The following DLGAP1 variants were observed in gnomAD, a reference collection of about 807,000 sequenced individuals.
DLGAP1 encodes the protein DLG associated protein 1, also known as disks large-associated protein 1.
A neutral mutation model predicts 90.8 loss-of-function variants in DLGAP1; 11 were observed. That is an observed-to-expected ratio of 0.12 (90% CI 0.08 to 0.20). The LOEUF is 0.20. Ranked by LOEUF, DLGAP1 falls within the 10% of genes least tolerant of loss-of-function variation. DLGAP1 has a pLI of 1.00. For synonymous variants in DLGAP1, 558 were observed against 540.7 expected (o/e 1.03, Z -0.44); for missense variants, 1,050 against 1,333.8 (o/e 0.79, Z 3.31).
intron 1 of DLGAP1, among the ~76,000 whole-genome samples, chr18:4,332,032 T>C (rs2080964339): frequency 6.6e-6 from 1 of 151,836 alleles, no homozygotes; most frequent in African/African-American, 2.4e-5. Flanking sequence ...AAATATGCAC[T>C]AAAAGAAGTC....
At chr18:4,078,845 T>C (rs9303940) in intron 2 of DLGAP1, among the ~76,000 whole-genome samples, 88,791 of 151,626 alleles carry the variant, frequency 0.59, 26,707 homozygotes, top group Non-Finnish European at 0.66. Flanking sequence ...GGTTTGCCAA[T>C]CTCAGGCTTA....
chr18:4,115,644 C>T (rs1424693872), intron 2 of DLGAP1, among the ~76,000 whole-genome samples: 2 of 152,084 alleles, frequency 1.3e-5, no homozygotes, highest in East Asian at 3.9e-4. Context: ...TGCCACAACG[C>T]CTGGCTAATT....
intron 2 of DLGAP1, among the ~76,000 whole-genome samples, chr18:4,070,541 T>C (rs1446574772): frequency 1.3e-5 from 2 of 152,124 alleles, no homozygotes; most frequent in Non-Finnish European, 2.9e-5. Flanking sequence ...TTTTCCCATA[T>C]ATGATAACTA....
chr18:4,189,494 T>A (rs2077356386), intron 1 of DLGAP1, among the ~76,000 whole-genome samples: 1 of 152,108 alleles, frequency 6.6e-6, no homozygotes, highest in Non-Finnish European at 1.5e-5. Flanking sequence ...CTAAATAAAC[T>A]GAAGACATAT....
chr18:3,997,714 T>G (rs1441558592), intron 3 of DLGAP1, among the ~76,000 whole-genome samples: 1 of 152,010 alleles, frequency 6.6e-6, no homozygotes, highest in East Asian at 1.9e-4. Context: ...AAATTAAAAT[T>G]AATTTTAATA....
At chr18:3,889,257 A>G (rs1200800245) in intron 3 of DLGAP1, among the ~76,000 whole-genome samples, 1 of 152,186 alleles carries the variant, frequency 6.6e-6, no homozygotes, top group African/African-American at 2.4e-5. Flanking sequence ...AATCAAAACA[A>G]TATGACAATA....
Position 4,342,105 on chromosome 18 carries a change from C to A in DLGAP1, c.-267+112901G>T, listed in dbSNP as rs1450039630. On this transcript the variant is annotated intron_variant, in intron 1 of 12. Transcript: ENST00000315677. This position sits in a 1 kb window ranked among gnomAD's most constrained non-coding sequence, Gnocchi z 5.8. ...CACTAAATAAATGTTCCTTCCCTTC[C>A]CAAATCCATAGAATTTTAAAAGACA... Among the ~76,000 whole-genome samples the A allele has an allele frequency of 6.6e-6, 1 of 152,022 alleles. No homozygotes were observed. Among genetic ancestry groups the A allele is most frequent in the African/African-American group, 2.4e-5 (1 of 41,388 alleles).
In DLGAP1 at chr18:3,499,520, C is replaced by G; in HGVS notation, c.2725-126G>C. The G allele has an allele frequency of 1.1e-6, 1 of 887,888 alleles. No homozygotes were observed. Among genetic ancestry groups the G allele is most frequent in the Non-Finnish European group, 1.7e-6 (1 of 597,268 alleles). 55.0% of individuals were successfully genotyped at this position (887,888 alleles called of 1,614,324 possible). A position where few individuals can be genotyped will look rare whatever the true frequency, so the allele number is the denominator to read the frequency against. Reference sequence around the variant, plus strand: ...GGGGTGGTTAGTTCTGATCTGCACACTGCATATCTACTTTTTTCTTCATTA... The same window carrying G: ...GGGGTGGTTAGTTCTGATCTGCACAGTGCATATCTACTTTTTTCTTCATTA... On this transcript the variant is annotated intron_variant, in intron 12 of 12. Coordinates refer to ENST00000315677, the MANE Select transcript of DLGAP1 (RefSeq NM_004746.4). This position sits in a 1 kb window ranked among gnomAD's most constrained non-coding sequence, Gnocchi z 6.4.
At chr18:3,679,010 T>C (rs955998769) in intron 7 of DLGAP1, among the ~76,000 whole-genome samples, 1 of 152,166 alleles carries the variant, frequency 6.6e-6, no homozygotes, top group Non-Finnish European at 1.5e-5. Context: ...TAATTAATTA[T>C]TTTTAGAGAC....
At chr18:4,037,924 C>T (rs1326329716) in intron 2 of DLGAP1, among the ~76,000 whole-genome samples, 1 of 152,182 alleles carries the variant, frequency 6.6e-6, no homozygotes, top group Non-Finnish European at 1.5e-5. Context: ...CACGCCACTG[C>T]ATTCCAGCCT....
intron 1 of DLGAP1, among the ~76,000 whole-genome samples, chr18:4,323,725 C>A (rs1304682936): frequency 1.3e-5 from 2 of 152,050 alleles, no homozygotes; most frequent in Non-Finnish European, 2.9e-5. Flanking sequence ...AAAAATCACT[C>A]AAACCATAAA....
At chr18:4,161,987 G>A (rs73369065) in intron 1 of DLGAP1, among the ~76,000 whole-genome samples, 4,197 of 152,178 alleles carry the variant, frequency 0.028, 197 homozygotes, top group African/African-American at 0.092. Context: ...TACAACAAAA[G>A]CAGTCTCTGC....
intron 1 of DLGAP1, among the ~76,000 whole-genome samples, chr18:4,415,686 T>C (rs1371286686): frequency 1.3e-5 from 2 of 152,188 alleles, no homozygotes; most frequent in East Asian, 3.8e-4. Flanking sequence ...AAAAATTGGC[T>C]CTGTCACTTA....
At chr18:4,428,257 A>G (rs1356693910) in intron 1 of DLGAP1, among the ~76,000 whole-genome samples, 1 of 152,126 alleles carries the variant, frequency 6.6e-6, no homozygotes, top group Admixed American at 6.5e-5. Context: ...TCATCAAGAT[A>G]ATGCATTACC....
intron 5 of DLGAP1, among the ~76,000 whole-genome samples, chr18:3,799,723 G>C (rs1046152363): frequency 3.9e-5 from 6 of 152,020 alleles, no homozygotes; most frequent in African/African-American, 1.4e-4. Flanking sequence ...TGGGGAGTGA[G>C]GGCTGCGGAG....
At chr18:4,267,664 T>C (rs1760290277) in intron 1 of DLGAP1, among the ~76,000 whole-genome samples, 1 of 152,184 alleles carries the variant, frequency 6.6e-6, no homozygotes, top group Admixed American at 6.5e-5. Flanking sequence ...GGTTTGGGAT[T>C]GTGGGAGCAG....
intron 3 of DLGAP1, chr18:3,977,805 G>T: frequency 2.6e-6 from 1 of 387,966 alleles, no homozygotes; most frequent in South Asian, 2.1e-5. Context: ...AGTCAGAGGC[G>T]ACAACCTGGT....
chr18:4,380,483 T>C (rs1472602223), intron 1 of DLGAP1, among the ~76,000 whole-genome samples: 1 of 151,974 alleles, frequency 6.6e-6, no homozygotes, highest in Admixed American at 6.6e-5. Context: ...TGCTTTCTAC[T>C]CACAAATCAC....
chr18:3,994,904 TTGAC>T (rs1263448418), intron 3 of DLGAP1, among the ~76,000 whole-genome samples: 15 of 152,352 alleles, frequency 9.8e-5, no homozygotes, highest in South Asian at 8.3e-4. Flanking sequence ...GATTTGTTAC[TTGAC>T]TATTAGAAAA....
Sources: gnomAD v4.1 joint callset for allele counts (sites outside exome capture counted in the v4.1 genomes callset) on GRCh38, gnomAD v4.1.1 for gene constraint, Gnocchi (gnomAD v3.1) non-coding constraint, MANE v1.5 for transcripts, NCBI Gene and HGNC (gene_info 2026-07-23, HGNC 2026-07-21) for gene names.